The following CLDN18 variants were observed in gnomAD, a reference collection of about 807,000 sequenced individuals.
CLDN18 encodes the protein claudin-18.
CLDN18 carries 20 observed loss-of-function variants against 25.0 expected under a neutral mutation model. The ratio of observed to expected loss-of-function variants is 0.80; its 90% CI spans 0.56 to 1.16. CLDN18 has a LOEUF of 1.16. Among genes scored for constraint, CLDN18 ranks in the 50% most tolerant of loss-of-function variants. The pLI, the probability that CLDN18 is intolerant of heterozygous loss-of-function variation, is 0.00. For missense variants in CLDN18, 297 were observed against 345.4 expected (o/e 0.86, Z 1.11); for synonymous variants, 125 against 135.6 (o/e 0.92, Z 0.54).
intron 3 of CLDN18, among the ~76,000 whole-genome samples, chr3:138,028,161 T>TTCAAG (rs1170388065): frequency 6.6e-6 from 1 of 151,518 alleles, no homozygotes. Context: ...GCCTCCTGGG[T>TTCAAG]TCAAGCAATT....
intron 1 of CLDN18, among the ~76,000 whole-genome samples, chr3:138,002,013 AT>A (rs566850654): frequency 1.5e-4 from 23 of 150,528 alleles, no homozygotes; most frequent in East Asian, 1.9e-4. Context: ...AAACAAGTGG[AT>A]TTTTTTTTTA....
chr3:138,024,065 CT>C (rs1942297943), intron 2 of CLDN18, among the ~76,000 whole-genome samples: 1 of 152,016 alleles, frequency 6.6e-6, no homozygotes, highest in African/African-American at 2.4e-5. Context: ...AATGTCAGCA[CT>C]TTGAGAGTCC....
At chr3:137,999,629 A>G (rs1490845205) in intron 1 of CLDN18, among the ~76,000 whole-genome samples, 1 of 152,180 alleles carries the variant, frequency 6.6e-6, no homozygotes, top group African/African-American at 2.4e-5. Context: ...GGGCCCCTGC[A>G]CTGGGGCTCC....
At chr3:138,026,594 G>A (rs548392997) in intron 3 of CLDN18, among the ~76,000 whole-genome samples, 5 of 152,168 alleles carry the variant, frequency 3.3e-5, no homozygotes, top group South Asian at 2.1e-4. Flanking sequence ...GCAGTGAGCC[G>A]AGATCGCACC....
rs1942158324 is a variant in CLDN18, at chr3:138,012,911, A to T, written c.220+2466A>T. On this transcript the variant is annotated intron_variant, in intron 1 of 4. Transcript: ENST00000183605. ...AGTCAGGAGGGGAGGAAATCAGGAC[A>T]GTTTTGCTAAGGGAGTTCTGTTTGA... 3.9e-5 allele frequency among the ~76,000 whole-genome samples: 6 copies of T among 152,212 alleles called. No homozygotes were observed. In the South Asian group the frequency reaches 1.2e-3, roughly 32 times the overall value.
Position 138,031,042 on chromosome 3 carries a change from T to C in CLDN18, c.687T>C (p.Thr229=). 1 of 1,614,180 alleles carries C rather than the reference T, an allele frequency of 6.2e-7. No homozygotes were observed. The highest frequency in any genetic ancestry group is 8.5e-7 in the Non-Finnish European group (1 of 1,180,004). The change falls in exon 5 of 5, where the codon ACT becomes ACC. Residue 229 remains threonine, a synonymous_variant. Transcript: ENST00000183605. ...AGCCTGGAGGCTTCAAGGCCAGCACTGGCTTTGGGTCCAACACCAAAAACA... is the reference window on the plus strand; with the variant it reads ...AGCCTGGAGGCTTCAAGGCCAGCACCGGCTTTGGGTCCAACACCAAAAACA... ...AYKPGGFKAS[T]GFGSNTKNKK...
intron 3 of CLDN18, 123 bp downstream of exon 3, chr3:138,024,847 A>G: frequency 6.7e-6 from 4 of 598,234 alleles, no homozygotes. Context: ...AGAGACAACC[A>G]TGCCATATCA....
At chr3:138,023,866 C>A (rs112935391) in intron 2 of CLDN18, 44 bp downstream of exon 2, 3 of 1,570,130 alleles carry the variant, frequency 1.9e-6, no homozygotes, top group Non-Finnish European at 2.6e-6. Flanking sequence ...AATGTCAAAG[C>A]AAAATTATTC....
chr3:138,001,174 C>T (rs543651546), intron 1 of CLDN18, among the ~76,000 whole-genome samples: 32 of 152,374 alleles, frequency 2.1e-4, no homozygotes, highest in Admixed American at 1.6e-3. Context: ...AAAACCCTGT[C>T]CTGTCCGCAC....
chr3:138,029,994 G>A, intron 4 of CLDN18, 87 bp downstream of exon 4: 3 of 819,578 alleles, frequency 3.7e-6, no homozygotes, highest in East Asian at 2.7e-5. Context: ...AAAAAAATCA[G>A]TCTAGGTATA....
upstream of CLDN18, among the ~76,000 whole-genome samples, chr3:138,008,230 TG>T (rs1942089992): frequency 1.5e-5 from 1 of 65,342 alleles, no homozygotes; most frequent in Non-Finnish European, 3.1e-5. Context: ...GGGGGGAGTG[TG>T]GGGGTGTGTG....
At chr3:138,018,101 T>C (rs1942229698) in intron 1 of CLDN18, among the ~76,000 whole-genome samples, 1 of 152,180 alleles carries the variant, frequency 6.6e-6, no homozygotes, top group Non-Finnish European at 1.5e-5. Flanking sequence ...CATCTCACCT[T>C]AGAGGATGTC....
exon 1 of CLDN18, chr3:137,998,945 G>T: frequency 1.9e-6 from 3 of 1,614,250 alleles, no homozygotes; most frequent in Non-Finnish European, 1.7e-6. Context: ...GCTGCCACCT[G>T]CATGGACCAG....
intron 1 of CLDN18, chr3:138,004,678 G>A (rs1246328397): frequency 6.6e-6 from 1 of 151,848 alleles, no homozygotes; most frequent in Non-Finnish European, 1.5e-5. Context: ...TTTAGTTAAT[G>A]TTGCAGAAGT....
intron 1 of CLDN18, among the ~76,000 whole-genome samples, chr3:138,011,845 C>A (rs1347722176): frequency 6.6e-6 from 1 of 152,152 alleles, no homozygotes; most frequent in East Asian, 1.9e-4. Flanking sequence ...CCTAAATGGG[C>A]AAACCCCATT....
At chr3:138,017,290 C>T (rs570038089) in intron 1 of CLDN18, among the ~76,000 whole-genome samples, 1 of 152,144 alleles carries the variant, frequency 6.6e-6, no homozygotes, top group Non-Finnish European at 1.5e-5. Flanking sequence ...TACCCGTGTT[C>T]TGAGCACCTC....
At position 138,024,714 on chromosome 3, in the gene CLDN18, G is replaced by C; in HGVS notation, c.493G>C (p.Val165Leu). The C allele has an allele frequency of 1.3e-6, 2 of 1,589,798 alleles. No individual in the cohort carries two copies. Among genetic ancestry groups the C allele is most frequent in the Non-Finnish European group, 1.7e-6 (2 of 1,158,830 alleles). Residue 165 changes from valine (V) to leucine (L), a missense_variant, in exon 3 of 5, where the codon GTT becomes CTT. Transcript: ENST00000183605. ...CGGCATGGGTGGGATGGTGCAGACT[G>C]TTCAGACCAGGTAACCTCCTAATCT... ...YTGMGGMVQT[V>L]QTRYTFGAAL...
intron 1 of CLDN18, among the ~76,000 whole-genome samples, chr3:138,003,937 C>T (rs1426548116): frequency 1.3e-5 from 2 of 152,106 alleles, no homozygotes; most frequent in Non-Finnish European, 2.9e-5. Flanking sequence ...TTTGGGAGGC[C>T]AAGGCAGGGG....
chr3:138,018,572 G>A (rs1189365419), intron 1 of CLDN18, among the ~76,000 whole-genome samples: 2 of 152,038 alleles, frequency 1.3e-5, no homozygotes, highest in African/African-American at 2.4e-5. Flanking sequence ...TCCTGACCTC[G>A]TGATCCGCCC....
Sources: allele counts gnomAD v4.1 joint callset (sites outside exome capture counted in the v4.1 genomes callset), GRCh38; gene constraint gnomAD v4.1.1; transcripts MANE v1.5; gene names NCBI Gene and HGNC (gene_info 2026-07-23, HGNC 2026-07-21).